PIK3C2G: variants seen among roughly 807,000 people sequenced by gnomAD.
PIK3C2G encodes the protein phosphatidylinositol-4-phosphate 3-kinase catalytic subunit type 2 gamma.
PIK3C2G carries 168 observed loss-of-function variants against 181.1 expected under a neutral mutation model. That is an observed-to-expected ratio of 0.93 (90% CI 0.82 to 1.05). The LOEUF (loss-of-function observed/expected upper bound fraction) is 1.05, where lower values mean the gene tolerates loss of function less well. Ranked by LOEUF, PIK3C2G falls within the 50% of genes least tolerant of loss-of-function variation. The probability of loss-of-function intolerance (pLI) is 0.00; values close to 1 mark genes in which losing one functional copy is unlikely to be tolerated. For missense variants in PIK3C2G, 1,869 were observed against 1,732.8 expected (o/e 1.08, Z -1.40); for synonymous variants, 573 against 592.2 (o/e 0.97, Z 0.47).
chr12:18,496,218 A>T (rs942475155), intron 21 of PIK3C2G, 64 bp downstream of exon 21: 7 of 961,290 alleles, frequency 7.3e-6, no homozygotes, highest in Non-Finnish European at 1.1e-5. Flanking sequence ...TATTACTCAC[A>T]AAAAGAAATT....
intron 8 of PIK3C2G, among the ~76,000 whole-genome samples, chr12:18,337,631 G>C (rs1938659651): frequency 6.6e-6 from 1 of 152,040 alleles, no homozygotes; most frequent in Non-Finnish European, 1.5e-5. Context: ...AGCAGAGGGA[G>C]GCGGGATGTG....
intron 13 of PIK3C2G, among the ~76,000 whole-genome samples, chr12:18,373,035 T>C (rs1942179175): frequency 6.6e-6 from 1 of 152,206 alleles, no homozygotes; most frequent in East Asian, 1.9e-4. Context: ...AACCTGTTTC[T>C]CTTGAAAATC....
At position 18,368,989 on chromosome 12, in the gene PIK3C2G, T is replaced by G. The variant is rs750138463; in HGVS notation, c.1749-2191T>G. Among the ~76,000 whole-genome samples, 126 of 152,324 alleles carry G rather than the reference T, an allele frequency of 8.3e-4. 1 individual carries two copies. Among genetic ancestry groups the G allele is most frequent in the Non-Finnish European group, 6.5e-4 (44 of 68,026 alleles). On this transcript the variant is annotated intron_variant, in intron 12 of 32. Coordinates refer to ENST00000538779, the MANE Select transcript of PIK3C2G (RefSeq NM_001288772.2). ...AAGATGCTTAATATTACCTGAGGCCTCAGCTGGGTGAACCTCAGTCCGCAC... is the reference window on the plus strand; with the variant it reads ...AAGATGCTTAATATTACCTGAGGCCGCAGCTGGGTGAACCTCAGTCCGCAC...
intron 31 of PIK3C2G, among the ~76,000 whole-genome samples, chr12:18,613,386 A>C (rs1316245802): frequency 6.6e-6 from 1 of 152,148 alleles, no homozygotes; most frequent in African/African-American, 2.4e-5. Context: ...CAATCCTTTC[A>C]TAAGACAAAA....
intron 11 of PIK3C2G, among the ~76,000 whole-genome samples, chr12:18,355,124 C>A (rs1390627645): frequency 6.6e-6 from 1 of 152,212 alleles, no homozygotes; most frequent in East Asian, 1.9e-4. Context: ...AATTGTCCTG[C>A]CCATTTACAT....
intron 14 of PIK3C2G, among the ~76,000 whole-genome samples, chr12:18,386,099 T>C (rs945811747): frequency 3.9e-5 from 6 of 152,106 alleles, no homozygotes; most frequent in Non-Finnish European, 8.8e-5. Context: ...CCCCTCCTCC[T>C]CTGGCTTTGG....
chr12:18,293,958 A>T lies in PIK3C2G; in HGVS notation c.977A>T (p.Gln326Leu). ...ATTCTGCATTTTTGCACAAATGACC[A>T]GCTACTCCCCAAAGATCATATTCTA... ...AEILHFCTND[Q>L]LLPKDHILSV... The change falls in exon 5 of 33, where the codon CAG becomes CTG. Residue 326 changes from glutamine (Q) to leucine (L), a missense_variant. Gln to Leu is a moderately radical substitution (Grantham distance 113). Transcript: ENST00000538779. 6.2e-7 allele frequency: 1 copy of T among 1,601,730 alleles called. No individual in the cohort carries two copies. Among genetic ancestry groups the T allele is most frequent in the Non-Finnish European group, 8.6e-7 (1 of 1,168,952 alleles).
intron 8 of PIK3C2G, 150 bp from the exon 9 acceptor site, chr12:18,338,276 C>T: frequency 1.6e-6 from 1 of 611,182 alleles, no homozygotes; most frequent in Non-Finnish European, 2.8e-6. Flanking sequence ...ACAGGATAAC[C>T]AGAGTCTTGA....
chr12:18,704,982 G>A, the PIK3C2G span, among the ~76,000 whole-genome samples: 4 of 152,048 alleles, frequency 2.6e-5, no homozygotes, highest in South Asian at 2.1e-4. Flanking sequence ...AATTTTAATC[G>A]AAATATATTC....
chr12:18,278,982 C>A (rs948930132), intron 1 of PIK3C2G, among the ~76,000 whole-genome samples: 1 of 151,792 alleles, frequency 6.6e-6, no homozygotes, highest in African/African-American at 2.4e-5. Flanking sequence ...TTCAGACAGG[C>A]TTCTAACCCA....
intron 18 of PIK3C2G, among the ~76,000 whole-genome samples, chr12:18,458,706 C>CA (rs1212967359): frequency 1.3e-5 from 2 of 151,534 alleles, no homozygotes; most frequent in Admixed American, 6.6e-5. Context: ...CTCCAGCTGG[C>CA]AAAAAACAAA....
At chr12:18,516,696 A>G (rs1174166024) in intron 24 of PIK3C2G, among the ~76,000 whole-genome samples, 1 of 151,732 alleles carries the variant, frequency 6.6e-6, no homozygotes, top group Non-Finnish European at 1.5e-5. Flanking sequence ...GTAATTTCAC[A>G]TATCTGGTCT....
chr12:18,265,965 G>A (rs755101976), intron 1 of PIK3C2G, among the ~76,000 whole-genome samples: 4 of 132,702 alleles, frequency 3.0e-5, no homozygotes, highest in Non-Finnish European at 4.6e-5. Context: ...AGTGAGCCGA[G>A]ATCGTGCCAT....
the PIK3C2G span, chr12:18,694,107 C>T: frequency 1.5e-3 from 1,527 of 1,006,584 alleles, 16 homozygotes; most frequent in African/African-American, 0.022. Context: ...TAGTGAACTA[C>T]GGCTGCCATC....
the PIK3C2G span, among the ~76,000 whole-genome samples, chr12:18,659,280 T>G: frequency 2.0e-5 from 3 of 152,186 alleles, no homozygotes; most frequent in Non-Finnish European, 4.4e-5. Flanking sequence ...AGATAAATAC[T>G]ATCACTAGTC....
At chr12:18,688,320 A>G in the PIK3C2G span, 6 of 1,210,148 alleles carry the variant, frequency 5.0e-6, no homozygotes, top group Non-Finnish European at 6.9e-6. Context: ...GATGGACTCT[A>G]AGTCAGCTCC....
intron 18 of PIK3C2G, among the ~76,000 whole-genome samples, chr12:18,450,209 C>G (rs1947272910): frequency 6.6e-6 from 1 of 152,246 alleles, no homozygotes; most frequent in Non-Finnish European, 1.5e-5. Context: ...TCACCGCAAC[C>G]TCCACCTCCT....
At chr12:18,556,465 C>A (rs2136308328) in intron 26 of PIK3C2G, among the ~76,000 whole-genome samples, 1 of 152,188 alleles carries the variant, frequency 6.6e-6, no homozygotes, top group Non-Finnish European at 1.5e-5. Flanking sequence ...AACTGTTGGG[C>A]AATGTAAGAA....
intron 24 of PIK3C2G, among the ~76,000 whole-genome samples, chr12:18,531,175 G>C (rs2136216864): frequency 6.6e-6 from 1 of 151,956 alleles, no homozygotes; most frequent in African/African-American, 2.4e-5. Flanking sequence ...CCCAAGATTT[G>C]TCTTAGTGCT....
Sources: allele counts gnomAD v4.1 joint callset (sites outside exome capture counted in the v4.1 genomes callset), GRCh38; gene constraint gnomAD v4.1.1; transcripts MANE v1.5; gene names NCBI Gene and HGNC (gene_info 2026-07-23, HGNC 2026-07-21).